Variants in CERKL observed in about 807,000 individuals in gnomAD.
The protein encoded by CERKL is CERK like autophagy regulator.
A neutral mutation model predicts 63.4 loss-of-function variants in CERKL; 61 were observed. The ratio of observed to expected loss-of-function variants is 0.96; its 90% CI spans 0.78 to 1.19. The LOEUF is 1.19. CERKL is among the 50% of genes most tolerant of loss of function. The pLI is 0.00. For synonymous variants in CERKL, 250 were observed against 230.5 expected (o/e 1.08, Z -0.77); for missense variants, 675 against 655.5 (o/e 1.03, Z -0.33).
intron 1 of CERKL, among the ~76,000 whole-genome samples, chr2:181,639,531 G>A (rs1219808041): frequency 6.6e-6 from 1 of 152,158 alleles, no homozygotes; most frequent in Non-Finnish European, 1.5e-5. Flanking sequence ...GGAATAAGCT[G>A]TTGATGATGG....
At chr2:181,622,572 C>T (rs946736929) in intron 1 of CERKL, among the ~76,000 whole-genome samples, 1 of 152,106 alleles carries the variant, frequency 6.6e-6, no homozygotes, top group African/African-American at 2.4e-5. Flanking sequence ...AAGTACTCTC[C>T]ATAATGCAAA....
At chr2:181,560,715 T>G (rs1036861659) in intron 4 of CERKL, among the ~76,000 whole-genome samples, 1 of 152,108 alleles carries the variant, frequency 6.6e-6, no homozygotes, top group African/African-American at 2.4e-5. Flanking sequence ...AATAAGACAT[T>G]TTGGTCTTAG....
intron 10 of CERKL, among the ~76,000 whole-genome samples, chr2:181,545,531 A>T (rs945465115): frequency 1.3e-5 from 2 of 152,208 alleles, no homozygotes; most frequent in African/African-American, 4.8e-5. Context: ...ACAACAAAAT[A>T]AAAAAAGAGC....
intron 3 of CERKL, among the ~76,000 whole-genome samples, chr2:181,570,454 T>C (rs1477746857): frequency 6.6e-6 from 1 of 152,208 alleles, no homozygotes; most frequent in Non-Finnish European, 1.5e-5. Context: ...AAACTTGCTT[T>C]GTTTCAGAAG....
chr2:181,603,203 CCA>C (rs1248845779), intron 2 of CERKL: 1 of 198,608 alleles, frequency 5.0e-6, no homozygotes, highest in African/African-American at 2.4e-5. Context: ...TATTTTCAGG[CCA>C]CAGAGTACAA....
At position 181,573,772 on chromosome 2, in the gene CERKL, T is replaced by G. The variant is rs1689008985; in HGVS notation, c.594A>C (p.Gly198=). 1.2e-6 allele frequency: 2 copies of G among 1,612,532 alleles called. No individual in the cohort carries two copies. Among genetic ancestry groups the G allele is most frequent in the Non-Finnish European group, 1.7e-6 (2 of 1,179,130 alleles). ...EKVEPLLKLA[G]IKTDVTIMEY... Reference sequence around the variant, plus strand: ...ACTTACTTGTTACATCAGTTTTTATTCCTGCAAGCTTCAACAGAGGTTCAA... The same window carrying G: ...ACTTACTTGTTACATCAGTTTTTATGCCTGCAAGCTTCAACAGAGGTTCAA... Residue 198 remains glycine, a synonymous_variant, in exon 3 of 13, where the codon GGA becomes GGC. Coordinates refer to ENST00000410087, the MANE Select transcript of CERKL (RefSeq NM_201548.5).
intron 3 of CERKL, among the ~76,000 whole-genome samples, chr2:181,571,610 G>A (rs766975535): frequency 3.3e-5 from 5 of 152,040 alleles, no homozygotes; most frequent in South Asian, 2.1e-4. Flanking sequence ...ATCAATACAC[G>A]ATGAGTAAAC....
intron 2 of CERKL, among the ~76,000 whole-genome samples, chr2:181,589,822 AT>A (rs1559092801): frequency 6.6e-6 from 1 of 152,036 alleles, no homozygotes; most frequent in Non-Finnish European, 1.5e-5. Flanking sequence ...CACAAAAGGT[AT>A]GTATGTATGT....
intron 1 of CERKL, among the ~76,000 whole-genome samples, chr2:181,626,723 A>G (rs1362003302): frequency 6.6e-6 from 1 of 152,256 alleles, no homozygotes; most frequent in Non-Finnish European, 1.5e-5. Context: ...GGTACTGGGG[A>G]AAAAGGAGAG....
In CERKL at chr2:181,590,128, G is replaced by T. The variant is rs1684931403; in HGVS notation, c.481+13709C>A. ...TGAGCCACTGCACCTGGCCCATAAT[G>T]GTTTTGTTTATATATTTATTTAATT... On this transcript the variant is annotated intron_variant, in intron 2 of 12. Transcript: ENST00000410087. Among the ~76,000 whole-genome samples, 4 of 145,020 alleles carry T rather than the reference G, an allele frequency of 2.8e-5. No homozygotes were observed. In the South Asian group the frequency reaches 9.0e-4, roughly 32 times the overall value.
chr2:181,650,588 G>C (rs565433540), intron 1 of CERKL, among the ~76,000 whole-genome samples: 2 of 152,048 alleles, frequency 1.3e-5, no homozygotes, highest in East Asian at 3.9e-4. Flanking sequence ...GAGAAACCCC[G>C]TCTCTACTAA....
At chr2:181,644,588 C>A (rs1257890531) in intron 1 of CERKL, among the ~76,000 whole-genome samples, 2 of 152,122 alleles carry the variant, frequency 1.3e-5, no homozygotes, top group African/African-American at 4.8e-5. Flanking sequence ...CAACATGGAA[C>A]CTTCCTGCCA....
At chr2:181,592,286 A>C (rs187562961) in intron 2 of CERKL, among the ~76,000 whole-genome samples, 12 of 152,282 alleles carry the variant, frequency 7.9e-5, no homozygotes, top group African/African-American at 2.9e-4. Context: ...TAAAATTGCC[A>C]GATCAATTTC....
intron 1 of CERKL, among the ~76,000 whole-genome samples, chr2:181,636,319 T>C (rs1483947879): frequency 6.6e-6 from 1 of 152,068 alleles, no homozygotes; most frequent in Non-Finnish European, 1.5e-5. Context: ...TCCCCCAAAT[T>C]TTGTCTTTGA....
At chr2:181,630,221 GC>G (rs910120509) in intron 1 of CERKL, among the ~76,000 whole-genome samples, 2 of 151,632 alleles carry the variant, frequency 1.3e-5, no homozygotes, top group African/African-American at 4.8e-5. Context: ...CACTCCCCCT[GC>G]CCCCCCAGAG....
chr2:181,539,176 T>C lies in CERKL; in HGVS notation c.1454A>G (p.Glu485Gly), dbSNP rs369866192. The part of the protein sequence containing the change: ...NNTGGYNPEE[E>G]EDETASENCF... ...ATTTTCTGAAGCAGTTTCATCCTCC[T>C]CCTCCTCTGGATTATATCCACCAGT... is the stretch of plus-strand genomic sequence containing the variant. The change falls in exon 12 of 13, where the codon GAG becomes GGG. Residue 485 changes from glutamate (E) to glycine (G), a missense_variant. Physicochemically the swap from Glu to Gly is moderately conservative, Grantham distance 98. Transcript: ENST00000410087. The C allele has an allele frequency of 3.1e-6, 5 of 1,606,678 alleles. No homozygotes were observed. Among genetic ancestry groups the C allele is most frequent in the Non-Finnish European group, 4.3e-6 (5 of 1,173,364 alleles).
At chr2:181,549,814 T>G in intron 5 of CERKL, 106 bp from the exon 6 acceptor site, 1 of 793,704 alleles carries the variant, frequency 1.3e-6, no homozygotes, top group African/African-American at 1.7e-5. Flanking sequence ...AGATGAAAAA[T>G]AAACGAGAAT....
chr2:181,576,128 A>T (rs1689124992), intron 2 of CERKL, among the ~76,000 whole-genome samples: 1 of 152,244 alleles, frequency 6.6e-6, no homozygotes, highest in Non-Finnish European at 1.5e-5. Flanking sequence ...TACTGACACT[A>T]AACAAACAAA....
At chr2:181,576,489 T>G (rs1684224631) in intron 2 of CERKL, among the ~76,000 whole-genome samples, 1 of 152,214 alleles carries the variant, frequency 6.6e-6, no homozygotes, top group Non-Finnish European at 1.5e-5. Context: ...TCAGCTTACT[T>G]TTACCGAAAC....
Sources: gnomAD v4.1 joint callset for allele counts (sites outside exome capture counted in the v4.1 genomes callset) on GRCh38, gnomAD v4.1.1 for gene constraint, MANE v1.5 for transcripts, NCBI Gene and HGNC (gene_info 2026-07-23, HGNC 2026-07-21) for gene names.